KLHL32: variants seen among roughly 807,000 people sequenced by gnomAD.
KLHL32 encodes the protein kelch-like protein 32.
KLHL32 carries 35 observed loss-of-function variants against 64.8 expected under a neutral mutation model. The observed-to-expected ratio is 0.54, with a 90% confidence interval of 0.41 to 0.72. The LOEUF is 0.72. Among genes scored for constraint, KLHL32 ranks in the 30% least tolerant of loss-of-function variants. The pLI, the probability that KLHL32 is intolerant of heterozygous loss-of-function variation, is 0.00. For missense variants in KLHL32, 589 were observed against 768.5 expected (o/e 0.77, Z 2.76); for synonymous variants, 259 against 281.0 (o/e 0.92, Z 0.78).
chr6:97,092,566 C>T (rs931566776), intron 6 of KLHL32, among the ~76,000 whole-genome samples: 5 of 152,168 alleles, frequency 3.3e-5, no homozygotes, highest in African/African-American at 1.2e-4. Context: ...TAAACAGTGG[C>T]TCCTTTGCAT....
chr6:97,038,010 A>C (rs1280880096), intron 3 of KLHL32, among the ~76,000 whole-genome samples: 1 of 152,214 alleles, frequency 6.6e-6, no homozygotes, highest in African/African-American at 2.4e-5. Flanking sequence ...CACCATACAC[A>C]AAAATCAGAT....
chr6:97,083,282 C>T (rs59234247), intron 5 of KLHL32, among the ~76,000 whole-genome samples: 3,328 of 151,956 alleles, frequency 0.022, 111 homozygotes, highest in African/African-American at 0.075. Flanking sequence ...CCCAGCTGCT[C>T]GGGAGGCTGA....
intron 5 of KLHL32, among the ~76,000 whole-genome samples, chr6:97,083,389 CAAA>C (rs5878462): frequency 2.8e-5 from 4 of 140,868 alleles, no homozygotes; most frequent in Admixed American, 7.1e-5. Context: ...GACTCCGTCT[CAAA>C]AAAAAAAAAA....
At chr6:97,135,586 C>A (rs1799918914) in intron 10 of KLHL32, among the ~76,000 whole-genome samples, 1 of 152,134 alleles carries the variant, frequency 6.6e-6, no homozygotes, top group South Asian at 2.1e-4. Flanking sequence ...GCGTGAGCCA[C>A]TGCATCTGGA....
chr6:96,989,345 C>T (rs925960258), intron 3 of KLHL32, among the ~76,000 whole-genome samples: 1 of 152,140 alleles, frequency 6.6e-6, no homozygotes, highest in African/African-American at 2.4e-5. Flanking sequence ...TTTATTTCTC[C>T]TTCACTTATG....
chr6:96,974,265 T>C (rs1775462434), intron 2 of KLHL32, among the ~76,000 whole-genome samples: 1 of 152,220 alleles, frequency 6.6e-6, no homozygotes, highest in Non-Finnish European at 1.5e-5. Context: ...AAAGTCATCC[T>C]TTTAGGAAAG....
At chr6:97,028,432 A>G (rs1283659059) in intron 3 of KLHL32, among the ~76,000 whole-genome samples, 1 of 152,154 alleles carries the variant, frequency 6.6e-6, no homozygotes, top group Non-Finnish European at 1.5e-5. Context: ...TTCTCCCTGA[A>G]TTCCTATCAT....
At chr6:96,921,319 A>G (rs960568018), upstream of KLHL32, among the ~76,000 whole-genome samples, 1 of 152,244 alleles carries the variant, frequency 6.6e-6, no homozygotes, top group Non-Finnish European at 1.5e-5. Flanking sequence ...TGTGGCAGAG[A>G]AAATGTAAAC....
intron 3 of KLHL32, among the ~76,000 whole-genome samples, chr6:97,008,627 C>T (rs1779969381): frequency 6.6e-6 from 1 of 152,060 alleles, no homozygotes; most frequent in South Asian, 2.1e-4. Context: ...CATGGGGTCT[C>T]CTGCTGATAG....
intron 6 of KLHL32, among the ~76,000 whole-genome samples, chr6:97,102,803 G>A (rs1246951927): frequency 1.3e-5 from 2 of 151,624 alleles, no homozygotes; most frequent in African/African-American, 2.4e-5. Context: ...TAAAAGTTTT[G>A]TATATACTAG....
At position 97,077,847 on chromosome 6, in the gene KLHL32, A is replaced by G. The variant is rs1337232099; in HGVS notation, c.412-7279A>G. ...TGTTGCAATCTATGAGAAAGACATT[A>G]TGATTGACATTGTGCAGAATACAAA... On this transcript the variant is annotated intron_variant, in intron 5 of 10. Coordinates refer to ENST00000369261, the MANE Select transcript of KLHL32 (RefSeq NM_052904.4). Among the ~76,000 whole-genome samples the G allele has an allele frequency of 2.6e-5, 4 of 152,220 alleles. No homozygotes were observed. In the East Asian group the frequency reaches 7.7e-4, roughly 29 times the overall value.
At chr6:96,930,362 C>A (rs1769709129) in intron 1 of KLHL32, among the ~76,000 whole-genome samples, 2 of 152,198 alleles carry the variant, frequency 1.3e-5, no homozygotes, top group African/African-American at 4.8e-5. Flanking sequence ...AATACTAAAT[C>A]TGATACTTCT....
intron 3 of KLHL32, among the ~76,000 whole-genome samples, chr6:97,034,488 A>G (rs1784017021): frequency 2.0e-5 from 3 of 151,966 alleles, no homozygotes; most frequent in Admixed American, 6.6e-5. Flanking sequence ...TTCTTTGGCT[A>G]TTCAGGGTCT....
chr6:96,972,616 CTG>C (rs1225208404), intron 2 of KLHL32, among the ~76,000 whole-genome samples: 1 of 152,202 alleles, frequency 6.6e-6, no homozygotes, highest in Non-Finnish European at 1.5e-5. Flanking sequence ...ACACTCAAAT[CTG>C]TGTTTCCTTG....
intron 1 of KLHL32, among the ~76,000 whole-genome samples, chr6:96,947,478 C>T (rs1334437985): frequency 2.0e-5 from 3 of 152,178 alleles, no homozygotes; most frequent in Admixed American, 2.0e-4. Flanking sequence ...ATAAATCCCT[C>T]TCAAGGATTC....
At chr6:97,014,617 G>A (rs1262560648) in intron 3 of KLHL32, among the ~76,000 whole-genome samples, 1 of 152,136 alleles carries the variant, frequency 6.6e-6, no homozygotes, top group Non-Finnish European at 1.5e-5. Context: ...TCTACTATAA[G>A]CCAGATAATC....
At chr6:97,015,569 G>C (rs571317000) in intron 3 of KLHL32, among the ~76,000 whole-genome samples, 1 of 152,336 alleles carries the variant, frequency 6.6e-6, no homozygotes, top group African/African-American at 2.4e-5. Flanking sequence ...ATGTGAGAGA[G>C]ATGATGTGAA....
intron 1 of KLHL32, among the ~76,000 whole-genome samples, chr6:96,955,964 C>G (rs1160490530): frequency 2.0e-5 from 3 of 151,926 alleles, no homozygotes; most frequent in African/African-American, 7.3e-5. Flanking sequence ...AAAAATATAC[C>G]CAAGTCTGGG....
chr6:97,113,356 A>G (rs1175880955), intron 6 of KLHL32, among the ~76,000 whole-genome samples: 1 of 152,086 alleles, frequency 6.6e-6, no homozygotes, highest in Non-Finnish European at 1.5e-5. Context: ...TTGATACAGC[A>G]CCTTGGCTTA....
Sources: gnomAD v4.1 joint callset for allele counts (sites outside exome capture counted in the v4.1 genomes callset) on GRCh38, gnomAD v4.1.1 for gene constraint, MANE v1.5 for transcripts, NCBI Gene and HGNC (gene_info 2026-07-23, HGNC 2026-07-21) for gene names.